Variants in BRSK1 observed in about 807,000 individuals in gnomAD.
BRSK1 encodes the protein BR serine/threonine kinase 1.
Under a neutral mutation model 86.2 loss-of-function variants are expected in BRSK1, and 17 were observed. The observed-to-expected ratio is 0.20, with a 90% CI of 0.14 to 0.30. The LOEUF (loss-of-function observed/expected upper bound fraction) is 0.30. Among genes scored for constraint, BRSK1 ranks in the 10% least tolerant of loss-of-function variants. The probability of loss-of-function intolerance (pLI) is 1.00; values close to 1 mark genes in which losing one functional copy is unlikely to be tolerated. For synonymous variants in BRSK1, 464 were observed against 440.1 expected (o/e 1.05, Z -0.68); for missense variants, 719 against 1,071.9 (o/e 0.67, Z 4.60).
intron 7 of BRSK1, among the ~76,000 whole-genome samples, chr19:55,295,925 C>T (rs2088480080): frequency 1.3e-5 from 2 of 152,132 alleles, no homozygotes; most frequent in South Asian, 2.1e-4. Flanking sequence ...GTTGAGATCG[C>T]GTCACTGCAC....
chr19:55,303,710 C>A lies in BRSK1; in HGVS notation c.1170C>A (p.His390Gln), dbSNP rs371708220. 2 of 1,612,924 alleles carry A rather than the reference C, an allele frequency of 1.2e-6. No individual in the cohort carries two copies. The highest frequency in any genetic ancestry group is 1.7e-6 in the Non-Finnish European group (2 of 1,179,564). ...KRVDSPMLSR[H>Q]GKRRPERKSM... ...TGGATTCTCCCATGCTGAGCCGTCA[C>A]GGGAAGCGGCGACCAGAGCGGAAGT... Residue 390 changes from histidine to glutamine, a missense_variant, in exon 12 of 19, where the codon CAC (histidine) becomes CAA (glutamine). By Grantham distance (24) the His-to-Gln change is conservative. Transcript: ENST00000309383. The surrounding 1 kb of genome is among the most constrained non-coding windows in gnomAD (Gnocchi z 5.1).
rs2088579011 is a variant in BRSK1, at chr19:55,302,052, C to G, written c.826-85C>G. On this transcript the variant is annotated intron_variant, in intron 8 of 18. Transcript: ENST00000309383. The surrounding 1 kb of genome is among the most constrained non-coding windows in gnomAD (Gnocchi z 6.3). ...GGTGGGCGGGGAGATGATCAGGGAC[C>G]CCAAAACCACCCCAGTCTTTCATTG... 6.6e-7 allele frequency: 1 copy of G among 1,517,140 alleles called. No individual in the cohort carries two copies. Among genetic ancestry groups the G allele is most frequent in the South Asian group, 1.1e-5 (1 of 89,112 alleles). The allele number at this position is 1,517,140 out of a possible 1,614,324, so 94.0% of individuals were successfully genotyped here. A position where few individuals can be genotyped will look rare whatever the true frequency, so the allele number is the denominator to read the frequency against.
chr19:55,294,414 T>C lies in BRSK1; in HGVS notation c.678+17T>C. 1 of 1,612,744 alleles carries C rather than the reference T, an allele frequency of 6.2e-7. No individual in the cohort carries two copies. The highest frequency in any genetic ancestry group is 1.3e-5 in the African/African-American group (1 of 74,992). Reference sequence around the variant, plus strand: ...CTGCTCGTGGTAAGGCGCCCTCACCTCTCCTGTCATTTCTAGATCAATCCC... The same window carrying C: ...CTGCTCGTGGTAAGGCGCCCTCACCCCTCCTGTCATTTCTAGATCAATCCC... On this transcript the variant is annotated intron_variant, in intron 7 of 18. Coordinates refer to ENST00000309383, the MANE Select transcript of BRSK1 (RefSeq NM_032430.2). This position sits in a 1 kb window ranked among gnomAD's most constrained non-coding sequence, Gnocchi z 4.9.
At position 55,302,482 on chromosome 19, in the gene BRSK1, G is replaced by A. The variant is rs957248571; in HGVS notation, c.858-215G>A. 1.5e-5 allele frequency: 10 copies of A among 649,430 alleles called. No homozygotes were observed. The highest frequency in any genetic ancestry group is 5.5e-5 in the African/African-American group (3 of 54,560). The allele number at this position is 649,430 out of a possible 1,614,324, so 40.2% of individuals were successfully genotyped here. A position where few individuals can be genotyped will look rare whatever the true frequency, so the allele number is the denominator to read the frequency against. On this transcript the variant is annotated intron_variant, in intron 9 of 18. Transcript: ENST00000309383. This position sits in a 1 kb window ranked among gnomAD's most constrained non-coding sequence, Gnocchi z 6.3. ...GGGTCTGAAGAAGGAGGGGCCGGGG[G>A]CCTGGACCCCTCGGTCGGAGGGAAA...
chr19:55,287,398 C>A lies in BRSK1; in HGVS notation c.317+99C>A. On this transcript the variant is annotated intron_variant, in intron 3 of 18. Transcript: ENST00000309383. This position sits in a 1 kb window ranked among gnomAD's most constrained non-coding sequence, Gnocchi z 5.3. ...CAGGGCCTAGGGGGACCTGGGGGAC[C>A]TGCAGCTCTCCAGGCTGGACCGCTG... 2 of 1,130,674 alleles carry A rather than the reference C, an allele frequency of 1.8e-6. No individual in the cohort carries two copies. The highest frequency in any genetic ancestry group is 2.4e-5 in the East Asian group (1 of 41,364). The allele number at this position is 1,130,674 out of a possible 1,614,324, so 70.0% of individuals were successfully genotyped here.
In BRSK1 at chr19:55,303,718, G is replaced by T; in HGVS notation, c.1178G>T (p.Arg393Leu). 1.9e-6 allele frequency: 3 copies of T among 1,613,642 alleles called. No homozygotes were observed. The highest frequency in any genetic ancestry group is 2.5e-6 in the Non-Finnish European group (3 of 1,179,794). Residue 393 changes from arginine to leucine, a missense_variant, in exon 12 of 19, where the codon CGG (arginine) becomes CTG (leucine). By Grantham distance (102) the Arg-to-Leu change is moderately radical (BLOSUM62 -2). This residue lies in a region of BRSK1 where 168 missense variants were observed against 246.3 expected (regional missense o/e 0.68). Coordinates refer to ENST00000309383, the MANE Select transcript of BRSK1 (RefSeq NM_032430.2). The surrounding 1 kb of genome is among the most constrained non-coding windows in gnomAD (Gnocchi z 5.1). ...DSPMLSRHGK[R>L]RPERKSMEVL... ...CCCATGCTGAGCCGTCACGGGAAGC[G>T]GCGACCAGAGCGGAAGTCCATGGAA...
intron 18 of BRSK1, 46 bp downstream of exon 18, chr19:55,308,774 CCG>C (rs1568990323): frequency 1.1e-4 from 8 of 72,050 alleles, no homozygotes; most frequent in South Asian, 9.7e-4. Flanking sequence ...GTGGCGGGGG[CCG>C]TGGGTGGCGG....
chr19:55,290,515 T>C (rs1253634278), intron 4 of BRSK1, among the ~76,000 whole-genome samples: 2 of 152,188 alleles, frequency 1.3e-5, no homozygotes, highest in Admixed American at 6.5e-5. Flanking sequence ...AGTATACATT[T>C]TTAAATTATT....
rs1314434949 is a variant in BRSK1, at chr19:55,303,590, T to C, written c.1127-77T>C. ...TCTCCACTCTAGGCCTGTTTCCCCATGTGTGCAGTTTCTGAGGCAGTTGTA... is the reference window on the plus strand; with the variant it reads ...TCTCCACTCTAGGCCTGTTTCCCCACGTGTGCAGTTTCTGAGGCAGTTGTA... On this transcript the variant is annotated intron_variant, in intron 11 of 18. Coordinates refer to ENST00000309383, the MANE Select transcript of BRSK1 (RefSeq NM_032430.2). This position sits in a 1 kb window ranked among gnomAD's most constrained non-coding sequence, Gnocchi z 5.1. 5 of 1,538,206 alleles carry C rather than the reference T, an allele frequency of 3.3e-6. No homozygotes were observed. The highest frequency in any genetic ancestry group is 2.3e-5 in the East Asian group (1 of 44,288).
chr19:55,304,682 G>GC lies in BRSK1; in HGVS notation c.1485dup (p.Ser496GlnfsTer82). The GC allele has an allele frequency of 6.9e-7, 1 of 1,459,800 alleles. No homozygotes were observed. 90.4% of individuals were successfully genotyped at this position (1,459,800 alleles called of 1,614,324 possible). ...GTGGGGGCGCCGGGGAGCAGCCCCC[G>GC]CCCCCCAGTGCCCGCTCCACACCCC... On this transcript the variant is annotated frameshift_variant, in exon 14 of 19. Coordinates refer to ENST00000309383, the MANE Select transcript of BRSK1 (RefSeq NM_032430.2). LOFTEE classifies it high-confidence loss of function. The surrounding 1 kb of genome is among the most constrained non-coding windows in gnomAD (Gnocchi z 5.2).
At chr19:55,289,643 A>T (rs2122938415) in intron 4 of BRSK1, 23 bp downstream of exon 4, 1 of 1,611,350 alleles carries the variant, frequency 6.2e-7, no homozygotes, top group East Asian at 2.2e-5. Flanking sequence ...CTTGAGGGGG[A>T]GGAGGGGCTG....
At position 55,303,023 on chromosome 19, in the gene BRSK1, G is replaced by A. The variant is rs1224556514; in HGVS notation, c.1028+156G>A. 3.2e-6 allele frequency: 3 copies of A among 934,158 alleles called. No individual in the cohort carries two copies. Among genetic ancestry groups the A allele is most frequent in the South Asian group, 1.8e-5 (1 of 56,726 alleles). The allele number at this position is 934,158 out of a possible 1,614,324, so 57.9% of individuals were successfully genotyped here. ...AGTGATGGAACCAGCGGAGAAAACG[G>A]CCCAGAAACACGCTGAGAAAGTATT... On this transcript the variant is annotated intron_variant, in intron 10 of 18. Transcript: ENST00000309383. This position sits in a 1 kb window ranked among gnomAD's most constrained non-coding sequence, Gnocchi z 5.1.
At position 55,302,794 on chromosome 19, in the gene BRSK1, G is replaced by A. The variant is rs2088591390; in HGVS notation, c.955G>A (p.Val319Ile). The change falls in exon 10 of 19, where the codon GTC (valine) becomes ATC (isoleucine). Residue 319 changes from valine to isoleucine, a missense_variant. This residue lies in a region of BRSK1 where 168 missense variants were observed against 246.3 expected (regional missense o/e 0.68). Transcript: ENST00000309383. This position sits in a 1 kb window ranked among gnomAD's most constrained non-coding sequence, Gnocchi z 6.3. Reference sequence around the variant, plus strand: ...ATCCAACGGAGAGCTGGACCCCGACGTCCTAGAGAGCATGGCATCACTGGG... The same window carrying A: ...ATCCAACGGAGAGCTGGACCCCGACATCCTAGAGAGCATGGCATCACTGGG... ...LPSNGELDPD[V>I]LESMASLGCF... is the part of the protein sequence containing the mutation. The A allele has an allele frequency of 1.9e-6, 3 of 1,613,876 alleles. No individual in the cohort carries two copies. Among genetic ancestry groups the A allele is most frequent in the South Asian group, 1.1e-5 (1 of 91,080 alleles).
In BRSK1 at chr19:55,304,463, C is replaced by CTT; in HGVS notation, c.1348-88_1348-87insTT. The CTT allele has an allele frequency of 1.4e-5, 20 of 1,396,428 alleles. No homozygotes were observed. The highest frequency in any genetic ancestry group is 1.9e-5 in the Non-Finnish European group (20 of 1,054,324). 86.5% of individuals were successfully genotyped at this position (1,396,428 alleles called of 1,614,324 possible). On this transcript the variant is annotated intron_variant, in intron 13 of 18. Transcript: ENST00000309383. The surrounding 1 kb of genome is among the most constrained non-coding windows in gnomAD (Gnocchi z 5.2). ...CAAGTTGCAGCATGCACCGGGCCAG[C>CTT]GTCCGTGAGTGTGCGTGTGAGTGGG...
chr19:55,308,924 A>G (rs2088719526), intron 18 of BRSK1, among the ~76,000 whole-genome samples, 196 bp downstream of exon 18: 1 of 151,984 alleles, frequency 6.6e-6, no homozygotes, highest in Admixed American at 6.6e-5. Context: ...CTCCTTCACC[A>G]TTGTCGTAGC....
Position 55,287,220 on chromosome 19 carries a change from C to A in BRSK1, c.238C>A (p.Arg80=), listed in dbSNP as rs1267493002. Residue 80 remains arginine, a synonymous_variant, in exon 3 of 19, where the codon CGG becomes AGG. Coordinates refer to ENST00000309383, the MANE Select transcript of BRSK1 (RefSeq NM_032430.2). This position sits in a 1 kb window ranked among gnomAD's most constrained non-coding sequence, Gnocchi z 5.3. Reference sequence around the variant, plus strand: ...CACCCCTCTTGACCCTCAGGTGGAGCGGGAGATCGCCATCCTGAAGCTCAT... The same window carrying A: ...CACCCCTCTTGACCCTCAGGTGGAGAGGGAGATCGCCATCCTGAAGCTCAT... The part of the protein sequence containing the change: ...LSESVLMKVE[R]EIAILKLIEH... The A allele has an allele frequency of 6.2e-7, 1 of 1,613,944 alleles. No individual in the cohort carries two copies. Among genetic ancestry groups the A allele is most frequent in the Admixed American group, 1.7e-5 (1 of 59,990 alleles).
intron 3 of BRSK1, chr19:55,288,125 G>A (rs1485400311): frequency 6.6e-6 from 1 of 152,250 alleles, no homozygotes; most frequent in African/African-American, 2.4e-5. Context: ...GGCGTAGGGA[G>A]GCAGGGCCAT....
chr19:55,284,420 G>A lies in BRSK1; in HGVS notation c.-23G>A. 2 of 1,193,896 alleles carry A rather than the reference G, an allele frequency of 1.7e-6. No homozygotes were observed. The highest frequency in any genetic ancestry group is 3.2e-5 in the East Asian group (1 of 31,072). 74.0% of individuals were successfully genotyped at this position (1,193,896 alleles called of 1,614,324 possible). On this transcript the variant is annotated 5_prime_UTR_variant, in exon 1 of 19. Transcript: ENST00000309383. ...CGCAGGGGGGGCGGCCGGGGGACCG[G>A]TCGGGCCGGGACCAAGGGCACCATG...
At chr19:55,295,825 C>T (rs1171356910) in intron 7 of BRSK1, among the ~76,000 whole-genome samples, 3 of 152,224 alleles carry the variant, frequency 2.0e-5, no homozygotes, top group South Asian at 2.1e-4. Flanking sequence ...AAAAACTAGC[C>T]GGGCTTGGTG....
Sources: allele counts gnomAD v4.1 joint callset (sites outside exome capture counted in the v4.1 genomes callset), GRCh38; gene constraint gnomAD v4.1.1; regional missense constraint gnomAD v4.1.1; non-coding constraint Gnocchi (gnomAD v3.1); transcripts MANE v1.5; gene names NCBI Gene and HGNC (gene_info 2026-07-23, HGNC 2026-07-21).